SPATA22: variants seen among roughly 807,000 people sequenced by gnomAD.
SPATA22 encodes the protein spermatogenesis associated 22, also known as spermatogenesis-associated protein 22.
Under a neutral mutation model 47.8 loss-of-function variants are expected in SPATA22, and 29 were observed. The ratio of observed to expected loss-of-function variants is 0.61; its 90% CI spans 0.45 to 0.83. SPATA22 has a LOEUF of 0.83. Ranked by LOEUF, SPATA22 falls within the 40% of genes least tolerant of loss-of-function variation. The pLI is 0.00. For synonymous variants in SPATA22, 133 were observed against 140.9 expected (o/e 0.94, Z 0.40); for missense variants, 410 against 421.7 (o/e 0.97, Z 0.24).
Position 3,492,384 on chromosome 17 carries a change from TC to T in SPATA22, c.-74+21027del, listed in dbSNP as rs77979679. Among the ~76,000 whole-genome samples the T allele has an allele frequency of 5.4e-3, 829 of 152,354 alleles. 37 individuals are homozygous for T. In the East Asian group the frequency reaches 0.1, roughly 19 times the overall value. ...TGTGTTCTATCAGTTTTTACTTTCT[TC>T]CTATCCAACTTTTTGGTTTAAAGAA... On this transcript the variant is annotated intron_variant, in intron 1 of 8. Transcript: ENST00000541913.
Position 3,448,913 on chromosome 17 carries a change from C to G in SPATA22, c.566G>C (p.Arg189Thr), listed in dbSNP as rs1181687448. 1.2e-6 allele frequency: 2 copies of G among 1,613,866 alleles called. No individual in the cohort carries two copies. The highest frequency in any genetic ancestry group is 1.7e-6 in the Non-Finnish European group (2 of 1,179,970). ...HSSKISGCTM[R>T]GLDKNSALQT... ...TAGTGCACTGTTTTTGTCTAGCCCT[C>G]TCATTGTGCAGCCAGATATTTTTGA... Residue 189 changes from arginine to threonine, a missense_variant, in exon 6 of 9, where the codon AGA becomes ACA. Arg to Thr is a moderately conservative substitution (Grantham distance 71). Coordinates refer to ENST00000572969, the MANE Select transcript of SPATA22 (RefSeq NM_001170698.2).
At chr17:3,473,789 C>T (rs2073483350), upstream of SPATA22, among the ~76,000 whole-genome samples, 1 of 152,140 alleles carries the variant, frequency 6.6e-6, no homozygotes, top group Non-Finnish European at 1.5e-5. Context: ...TGAGACCACA[C>T]CTGGCATCCT....
chr17:3,448,046 G>A (rs2072767625), intron 6 of SPATA22, among the ~76,000 whole-genome samples: 1 of 152,202 alleles, frequency 6.6e-6, no homozygotes. Context: ...AGCAATCAGA[G>A]CACTGAGCGT....
intron 2 of SPATA22, among the ~76,000 whole-genome samples, chr17:3,468,033 A>G (rs1389472540): frequency 6.6e-6 from 1 of 152,220 alleles, no homozygotes. Flanking sequence ...CTTAATGTGC[A>G]GTTCCTAGAC....
chr17:3,464,138 G>A (rs896369140), intron 3 of SPATA22, among the ~76,000 whole-genome samples: 12 of 150,744 alleles, frequency 8.0e-5, no homozygotes, highest in African/African-American at 2.2e-4. Context: ...GCGCCGCCAC[G>A]CCTGACTGGT....
chr17:3,499,058 T>C lies in SPATA22; in HGVS notation c.-74+14354A>G, dbSNP rs750991168. The stretch of plus-strand genomic sequence containing the variant: ...CAAAGACAACTAAACTAACGCTCAA[T>C]GCAAAAAGTATTCGCTGCTGTTTAC... On this transcript the variant is annotated intron_variant, in intron 1 of 8. Coordinates refer to the SPATA22 transcript ENST00000541913. 153 of 1,614,004 alleles carry C rather than the reference T, an allele frequency of 9.5e-5. 1 individual carries two copies. Among genetic ancestry groups the C allele is most frequent in the Non-Finnish European group, 5.6e-5 (66 of 1,180,030 alleles).
At chr17:3,508,055 T>A (rs901386511) in intron 1 of SPATA22, among the ~76,000 whole-genome samples, 1 of 152,224 alleles carries the variant, frequency 6.6e-6, no homozygotes, top group Admixed American at 6.5e-5. Context: ...GAAGTTATTC[T>A]GGGAATCATC....
chr17:3,478,674 C>T (rs895820523), intron 1 of SPATA22, among the ~76,000 whole-genome samples: 1 of 152,224 alleles, frequency 6.6e-6, no homozygotes, highest in Non-Finnish European at 1.5e-5. Context: ...CTTTCTGCTC[C>T]TTACTGTTAA....
chr17:3,449,570 T>C (rs1264829804), intron 5 of SPATA22, among the ~76,000 whole-genome samples: 1 of 152,226 alleles, frequency 6.6e-6, no homozygotes, highest in Non-Finnish European at 1.5e-5. Flanking sequence ...AGTAAAATTT[T>C]AAGAAGTTAA....
intron 3 of SPATA22, among the ~76,000 whole-genome samples, chr17:3,463,941 C>CTCTCCCTCTCCCCACGG: frequency 2.5e-5 from 2 of 81,602 alleles, no homozygotes; most frequent in South Asian, 3.8e-4. Flanking sequence ...CTCCCTCTCC[C>CTCTCCCTCTCCCCACGG]TCTCCCTCTG....
chr17:3,498,028 T>C (rs1239423136), intron 1 of SPATA22, among the ~76,000 whole-genome samples: 1 of 152,118 alleles, frequency 6.6e-6, no homozygotes, highest in African/African-American at 2.4e-5. Flanking sequence ...GTTACCCTAA[T>C]GTAGGAGCAC....
At chr17:3,487,919 T>A (rs2073756687) in intron 1 of SPATA22, among the ~76,000 whole-genome samples, 1 of 152,236 alleles carries the variant, frequency 6.6e-6, no homozygotes, top group Admixed American at 6.5e-5. Context: ...CATATTTGTG[T>A]AAGTCATTTA....
intron 5 of SPATA22, among the ~76,000 whole-genome samples, chr17:3,456,443 T>C (rs1044844164): frequency 3.5e-5 from 5 of 143,922 alleles, no homozygotes; most frequent in Non-Finnish European, 7.6e-5. Context: ...AACTAGAAAA[T>C]CTAGAAGAAA....
At chr17:3,513,820 C>A in exon 1 of SPATA22, 1 of 1,045,872 alleles carries the variant, frequency 9.6e-7, no homozygotes, top group Non-Finnish European at 1.5e-6. Context: ...CCAGCAGAGC[C>A]GGACTCCACC....
chr17:3,492,794 G>A (rs1264423528), intron 1 of SPATA22, among the ~76,000 whole-genome samples: 1 of 152,044 alleles, frequency 6.6e-6, no homozygotes, highest in African/African-American at 2.4e-5. Flanking sequence ...CATCCCATAG[G>A]ATCCAGCCTC....
chr17:3,472,158 G>A (rs1299628614), upstream of SPATA22: 3 of 152,448 alleles, frequency 2.0e-5, no homozygotes, highest in African/African-American at 7.2e-5. Flanking sequence ...CACCCAGAGT[G>A]TGCCCAGAGA....
chr17:3,505,622 G>A (rs1476929558), intron 1 of SPATA22, among the ~76,000 whole-genome samples: 1 of 152,186 alleles, frequency 6.6e-6, no homozygotes. Context: ...AGGGAGAGAG[G>A]CCTATACGGG....
chr17:3,456,426 A>G (rs12940299), intron 5 of SPATA22, among the ~76,000 whole-genome samples: 10,254 of 114,984 alleles, frequency 0.089, 609 homozygotes, highest in East Asian at 0.21. Flanking sequence ...ACATCTCTAC[A>G]CAAATAAACT....
chr17:3,456,161 T>G (rs1167211445), intron 5 of SPATA22, among the ~76,000 whole-genome samples: 1 of 151,984 alleles, frequency 6.6e-6, no homozygotes, highest in East Asian at 1.9e-4. Flanking sequence ...AGCGAACACA[T>G]TCAAAAGCTA....
Sources: allele counts gnomAD v4.1 joint callset (sites outside exome capture counted in the v4.1 genomes callset), GRCh38; gene constraint gnomAD v4.1.1; transcripts MANE v1.5; gene names NCBI Gene and HGNC (gene_info 2026-07-23, HGNC 2026-07-21).